KIAA1217: variants seen among roughly 807,000 people sequenced by gnomAD.
KIAA1217 encodes KIAA1217, also known as sickle tail protein homolog.
Under a neutral mutation model 163.9 loss-of-function variants are expected in KIAA1217, and 88 were observed. The ratio of observed to expected loss-of-function variants is 0.54; its 90% CI spans 0.45 to 0.64. KIAA1217 has a LOEUF of 0.64. Ranked by LOEUF, KIAA1217 falls within the 30% of genes least tolerant of loss-of-function variation. The probability of loss-of-function intolerance (pLI) is 0.00; values close to 1 mark genes in which losing one functional copy is unlikely to be tolerated. For missense variants in KIAA1217, 2,372 were observed against 2,475.0 expected (o/e 0.96, Z 0.88); for synonymous variants, 903 against 923.1 (o/e 0.98, Z 0.39).
At chr10:23,925,068 T>C (rs1169188998) in intron 1 of KIAA1217, among the ~76,000 whole-genome samples, 1 of 152,064 alleles carries the variant, frequency 6.6e-6, no homozygotes, top group Admixed American at 6.6e-5. Flanking sequence ...TCCCAAATTT[T>C]TAGTCCCAAA....
intron 2 of KIAA1217, among the ~76,000 whole-genome samples, chr10:24,332,381 G>A (rs1225514145): frequency 6.6e-6 from 1 of 152,174 alleles, no homozygotes; most frequent in African/African-American, 2.4e-5. Context: ...TGTAACAGGA[G>A]GTGAAGAATG....
chr10:23,831,584 G>A (rs1317744980), intron 1 of KIAA1217, among the ~76,000 whole-genome samples: 5 of 152,070 alleles, frequency 3.3e-5, no homozygotes, highest in East Asian at 1.9e-4. Flanking sequence ...CAACTTGTAC[G>A]TTTAAATAAT....
At chr10:24,161,570 C>G (rs1411895939) in intron 2 of KIAA1217, among the ~76,000 whole-genome samples, 1 of 152,148 alleles carries the variant, frequency 6.6e-6, no homozygotes, top group Non-Finnish European at 1.5e-5. Context: ...TTACTTTCCA[C>G]ACAGGAAAGT....
intron 1 of KIAA1217, among the ~76,000 whole-genome samples, chr10:23,866,456 C>T (rs77113923): frequency 6.6e-6 from 1 of 152,098 alleles, no homozygotes; most frequent in African/African-American, 2.4e-5. Context: ...CCTGTTAGTA[C>T]ACCCACAATT....
chr10:23,851,408 A>G (rs566096964), intron 1 of KIAA1217, among the ~76,000 whole-genome samples: 1 of 152,132 alleles, frequency 6.6e-6, no homozygotes, highest in Non-Finnish European at 1.5e-5. Context: ...AATCCAGTCT[A>G]TCATTGTTGG....
Position 24,543,896 on chromosome 10 carries a change from G to A in KIAA1217, c.4626G>A (p.Glu1542=), listed in dbSNP as rs1443103027. The part of the protein sequence containing the change: ...NPGGQEMNRT[E]LNKFSHVDSP... ...GAGGACAGGAAATGAACAGAACGGA[G>A]CTGAACAAGTTCAGCCACGTGGATT... is the stretch of plus-strand genomic sequence containing the variant. Residue 1542 remains glutamate, a synonymous_variant, in exon 19 of 21, where the codon GAG becomes GAA. Coordinates refer to ENST00000376454, the MANE Select transcript of KIAA1217 (RefSeq NM_019590.5). 4.3e-6 allele frequency: 7 copies of A among 1,613,922 alleles called. No homozygotes were observed. The highest frequency in any genetic ancestry group is 1.3e-5 in the African/African-American group (1 of 74,886).
intron 2 of KIAA1217, among the ~76,000 whole-genome samples, chr10:24,230,115 C>T (rs2071164618): frequency 6.6e-6 from 1 of 152,030 alleles, no homozygotes; most frequent in Non-Finnish European, 1.5e-5. Context: ...ACTGTTTTCT[C>T]AACAAATATT....
chr10:24,321,455 C>T (rs766994366), intron 2 of KIAA1217, among the ~76,000 whole-genome samples: 42 of 152,186 alleles, frequency 2.8e-4, no homozygotes, highest in Non-Finnish European at 5.3e-4. Flanking sequence ...ATTGCTTGAA[C>T]CCAGGAGGCA....
At chr10:23,787,370 A>G (rs1301947967) in intron 1 of KIAA1217, among the ~76,000 whole-genome samples, 1 of 152,224 alleles carries the variant, frequency 6.6e-6, no homozygotes, top group Non-Finnish European at 1.5e-5. Flanking sequence ...ATAACGGTAC[A>G]GAAGCATTCC....
At chr10:23,720,053 AGGTAGGGGATTTGAAT>A (rs1837788064) in intron 1 of KIAA1217, among the ~76,000 whole-genome samples, 1 of 151,914 alleles carries the variant, frequency 6.6e-6, no homozygotes, top group Non-Finnish European at 1.5e-5. Context: ...ATTGCTTAAT[AGGTAGGGGATTTGAAT>A]TTAGTATGAT....
chr10:24,534,263 A>C (rs2073607019), intron 16 of KIAA1217, among the ~76,000 whole-genome samples: 1 of 152,188 alleles, frequency 6.6e-6, no homozygotes, highest in African/African-American at 2.4e-5. Flanking sequence ...TTGATTTGTC[A>C]CATACGTGAG....
In KIAA1217 at chr10:24,420,419, C is replaced by G. The variant is rs574283138; in HGVS notation, c.554-12576C>G. Among the ~76,000 whole-genome samples the G allele has an allele frequency of 1.1e-3, 172 of 151,758 alleles. 1 individual carries two copies. The highest frequency in any genetic ancestry group is 9.6e-4 in the Non-Finnish European group (65 of 67,912). On this transcript the variant is annotated intron_variant, in intron 3 of 20. Coordinates refer to ENST00000376454, the MANE Select transcript of KIAA1217 (RefSeq NM_019590.5). Reference sequence around the variant, plus strand: ...TCTTTAATTATTCTGAATGCAAATCCTTGGTAGAGCATGTGAGTTGTAAAT... The same window carrying G: ...TCTTTAATTATTCTGAATGCAAATCGTTGGTAGAGCATGTGAGTTGTAAAT...
chr10:24,351,572 T>A (rs1015681817), intron 2 of KIAA1217, among the ~76,000 whole-genome samples: 3 of 152,180 alleles, frequency 2.0e-5, no homozygotes, highest in Admixed American at 2.0e-4. Context: ...GGACTTTTCT[T>A]CACCTTGGGT....
intron 1 of KIAA1217, among the ~76,000 whole-genome samples, chr10:23,851,620 G>A (rs1393147275): frequency 6.6e-6 from 1 of 152,078 alleles, no homozygotes; most frequent in African/African-American, 2.4e-5. Flanking sequence ...CTAGTTTACA[G>A]TCCCACCAAC....
At chr10:24,420,209 T>C (rs1325564023) in intron 3 of KIAA1217, among the ~76,000 whole-genome samples, 1 of 152,168 alleles carries the variant, frequency 6.6e-6, no homozygotes, top group African/African-American at 2.4e-5. Flanking sequence ...CACCAGTACT[T>C]GAGGCTGTTA....
At chr10:24,001,067 T>C (rs1453650350) in intron 1 of KIAA1217, among the ~76,000 whole-genome samples, 2 of 136,732 alleles carry the variant, frequency 1.5e-5, no homozygotes, top group African/African-American at 5.5e-5. Context: ...GACTGCAAAG[T>C]AAACACACAC....
chr10:24,440,910 C>T lies in KIAA1217; in HGVS notation c.846+2431C>T, dbSNP rs2060447098. Among the ~76,000 whole-genome samples, 5 of 152,350 alleles carry T rather than the reference C, an allele frequency of 3.3e-5. No homozygotes were observed. In the South Asian group the frequency reaches 1.0e-3, roughly 32 times the overall value. On this transcript the variant is annotated intron_variant, in intron 5 of 20. Coordinates refer to ENST00000376454, the MANE Select transcript of KIAA1217 (RefSeq NM_019590.5). The stretch of plus-strand genomic sequence containing the variant: ...TTCACAGATTGCAGACGCTAAAAGG[C>T]ATGGAATTCAGCTGCCCTCACCTTT...
rs376387687 is a variant in KIAA1217, at chr10:24,428,167, G to GT, written c.554-4827dup. On this transcript the variant is annotated intron_variant, in intron 3 of 20. Transcript: ENST00000376454. ...GGGAGCGAGGCTGTGATACTTAACT[G>GT]TAGGGACGCCATTGGTGGCCTTTCT... Among the ~76,000 whole-genome samples, 62 of 152,344 alleles carry GT rather than the reference G, an allele frequency of 4.1e-4. 1 individual carries two copies. Among genetic ancestry groups the GT allele is most frequent in the Admixed American group, 2.5e-3 (39 of 15,306 alleles).
At chr10:24,435,241 G>C (rs1176205339) in intron 4 of KIAA1217, among the ~76,000 whole-genome samples, 1 of 152,162 alleles carries the variant, frequency 6.6e-6, no homozygotes, top group African/African-American at 2.4e-5. Flanking sequence ...TTTTAAAAAT[G>C]TGTTTAAATA....
Sources: allele counts gnomAD v4.1 joint callset (sites outside exome capture counted in the v4.1 genomes callset), GRCh38; gene constraint gnomAD v4.1.1; transcripts MANE v1.5; gene names NCBI Gene and HGNC (gene_info 2026-07-23, HGNC 2026-07-21).